The following HOPX variants were observed in gnomAD, a reference collection of about 807,000 sequenced individuals.
HOPX encodes HOP homeobox.
In HOPX, 5 loss-of-function variants were observed where a neutral mutation model predicts 11.8. That is an observed-to-expected ratio of 0.43 (90% confidence interval 0.22 to 0.89). HOPX has a LOEUF of 0.89. Ranked by LOEUF, HOPX falls within the 40% of genes least tolerant of loss-of-function variation. The pLI, the probability that HOPX is intolerant of heterozygous loss-of-function variation, is 0.28. For missense variants in HOPX, 119 were observed against 120.0 expected (o/e 0.99, Z 0.04); for synonymous variants, 49 against 49.7 (o/e 0.99, Z 0.06).
chr4:56,650,494 G>A (rs1357500977), intron 3 of HOPX: 2 of 570,428 alleles, frequency 3.5e-6, no homozygotes, highest in Admixed American at 6.5e-5. Flanking sequence ...AATCACAGGG[G>A]GAGAAGGAGC....
At chr4:56,651,617 G>C (rs1428421944) in intron 3 of HOPX, among the ~76,000 whole-genome samples, 2 of 152,066 alleles carry the variant, frequency 1.3e-5, no homozygotes, top group Admixed American at 6.6e-5. Context: ...CACTGTGATG[G>C]GTAGGGGCTG....
chr4:56,673,628 T>C (rs541974846), intron 1 of HOPX, among the ~76,000 whole-genome samples: 4 of 152,354 alleles, frequency 2.6e-5, no homozygotes, highest in African/African-American at 9.6e-5. Context: ...TCCATGCTTT[T>C]CAACACCATC....
At chr4:56,661,150 C>T (rs1342102870) in intron 1 of HOPX, among the ~76,000 whole-genome samples, 1 of 152,086 alleles carries the variant, frequency 6.6e-6, no homozygotes, top group East Asian at 1.9e-4. Flanking sequence ...ATGTATGGAT[C>T]CCTAAAAGAA....
Position 56,648,466 on chromosome 4 carries a change from A to G in HOPX, c.*254T>C. ...TTCACACCATCTGTCATCATGACTC[A>G]AAGGGAAATGCTAGCCACACCATTT... On this transcript the variant is annotated 3_prime_UTR_variant, in exon 4 of 4. Coordinates refer to ENST00000420433, the MANE Select transcript of HOPX (RefSeq NM_032495.6). 1 of 361,678 alleles carries G rather than the reference A, an allele frequency of 2.8e-6. No individual in the cohort carries two copies. The highest frequency in any genetic ancestry group is 4.9e-6 in the Non-Finnish European group (1 of 202,144). The allele number at this position is 361,678 out of a possible 1,614,324, so 22.4% of individuals were successfully genotyped here.
intron 1 of HOPX, among the ~76,000 whole-genome samples, chr4:56,676,319 A>G (rs1719016306): frequency 6.6e-6 from 1 of 151,608 alleles, no homozygotes; most frequent in African/African-American, 2.4e-5. Context: ...AGTCTAAGGA[A>G]GCCATCAACA....
intron 1 of HOPX, among the ~76,000 whole-genome samples, chr4:56,668,106 G>A (rs1284883593): frequency 1.3e-5 from 2 of 152,132 alleles, no homozygotes; most frequent in East Asian, 1.9e-4. Context: ...TGTATTTTTA[G>A]TAGAGTCGGG....
At chr4:56,649,624 C>A (rs890212965) in intron 3 of HOPX, 8 of 152,252 alleles carry the variant, frequency 5.3e-5, no homozygotes, top group African/African-American at 1.4e-4. Context: ...AATATTCACA[C>A]CTTACAGAAG....
chr4:56,654,657 C>T (rs562480591), intron 3 of HOPX, among the ~76,000 whole-genome samples: 137 of 152,284 alleles, frequency 9.0e-4, no homozygotes, highest in African/African-American at 2.9e-3. Flanking sequence ...ACAGGATCAT[C>T]TATGGACAAG....
intron 1 of HOPX, chr4:56,665,007 A>G (rs528583474): frequency 6.6e-6 from 1 of 152,260 alleles, no homozygotes; most frequent in Non-Finnish European, 1.5e-5. Flanking sequence ...CCCAGGCTGG[A>G]ATGCAATGGC....
At chr4:56,668,085 C>T (rs1346858100) in intron 1 of HOPX, among the ~76,000 whole-genome samples, 1 of 152,126 alleles carries the variant, frequency 6.6e-6, no homozygotes, top group Non-Finnish European at 1.5e-5. Context: ...CCACCATACC[C>T]AGCTAATTTT....
chr4:56,660,104 C>T (rs1203475890), intron 1 of HOPX, among the ~76,000 whole-genome samples: 7 of 152,202 alleles, frequency 4.6e-5, no homozygotes, highest in Non-Finnish European at 1.0e-4. Flanking sequence ...GAAAGGAAAA[C>T]TCCTTCCAGT....
chr4:56,673,935 C>T (rs1414896382), intron 1 of HOPX, among the ~76,000 whole-genome samples: 1 of 151,566 alleles, frequency 6.6e-6, no homozygotes, highest in Non-Finnish European at 1.5e-5. Context: ...GAACTCCTGA[C>T]CTCAGGTGAT....
intron 1 of HOPX, among the ~76,000 whole-genome samples, chr4:56,660,977 A>G (rs140316368): frequency 0.013 from 2,039 of 152,240 alleles, 18 homozygotes; most frequent in Non-Finnish European, 0.021. Flanking sequence ...TTTTAGAGGC[A>G]GGGTCTCGCT....
At chr4:56,651,871 AGAGT>A (rs1298001789) in intron 3 of HOPX, among the ~76,000 whole-genome samples, 447 of 109,576 alleles carry the variant, frequency 4.1e-3, no homozygotes, top group African/African-American at 0.013. Context: ...AGAGAGAGAG[AGAGT>A]GTGTGTGTGT....
intron 1 of HOPX, among the ~76,000 whole-genome samples, chr4:56,672,453 C>T (rs532499196): frequency 2.4e-4 from 37 of 151,718 alleles, no homozygotes; most frequent in African/African-American, 8.0e-4. Context: ...GGACAAGAAT[C>T]GCTTGAACCC....
chr4:56,659,001 C>A (rs1391053630), intron 1 of HOPX, among the ~76,000 whole-genome samples: 1 of 152,188 alleles, frequency 6.6e-6, no homozygotes, highest in Non-Finnish European at 1.5e-5. Context: ...ATCCTGTAAT[C>A]ATTTATTTTA....
chr4:56,676,901 C>T (rs1342037817), intron 1 of HOPX, among the ~76,000 whole-genome samples: 2 of 151,372 alleles, frequency 1.3e-5, no homozygotes, highest in Non-Finnish European at 2.9e-5. Flanking sequence ...CTGCCACAAT[C>T]TGGTTTTCAA....
In HOPX at chr4:56,655,983, C is replaced by G. The variant is rs1260032781; in HGVS notation, c.72G>C (p.Ala24=). ...CCACCTGGTCCTCTGTGGGGCCGCT[C>G]GCGGTCTCCGCCGACATGGTCCCTG... ...ERAGTMSAET[A]SGPTEDQVEI... Residue 24 remains alanine, a synonymous_variant, in exon 3 of 4, where the codon GCG becomes GCC. Coordinates refer to ENST00000420433, the MANE Select transcript of HOPX (RefSeq NM_032495.6). 6.2e-7 allele frequency: 1 copy of G among 1,605,602 alleles called. No homozygotes were observed. Among genetic ancestry groups the G allele is most frequent in the Non-Finnish European group, 8.5e-7 (1 of 1,176,614 alleles).
chr4:56,657,933 A>G, intron 1 of HOPX, 34 bp from the exon 2 acceptor site: 1 of 1,541,456 alleles, frequency 6.5e-7, no homozygotes, highest in Non-Finnish European at 8.7e-7. Context: ...AGTAGTCATA[A>G]TGCAGGCAGG....
Sources: allele counts gnomAD v4.1 joint callset (sites outside exome capture counted in the v4.1 genomes callset), GRCh38; gene constraint gnomAD v4.1.1; transcripts MANE v1.5; gene names NCBI Gene and HGNC (gene_info 2026-07-23, HGNC 2026-07-21).